Variants in ANKHD1 observed in about 807,000 individuals in gnomAD.
The protein encoded by ANKHD1 is ankyrin repeat and KH domain containing 1.
Under a neutral mutation model 230.5 loss-of-function variants are expected in ANKHD1, and 31 were observed. The ratio of observed to expected loss-of-function variants is 0.13; its 90% CI spans 0.10 to 0.18. The LOEUF (loss-of-function observed/expected upper bound fraction) is 0.18, where lower values mean the gene tolerates loss of function less well. Among genes scored for constraint, ANKHD1 ranks in the 10% least tolerant of loss-of-function variants. The pLI is 1.00. For missense variants in ANKHD1, 2,256 were observed against 3,071.3 expected, an observed-to-expected ratio of 0.73 and a Z score of 6.27; for synonymous variants, 1,074 against 1,117.6, an observed-to-expected ratio of 0.96 and a Z score of 0.78.
At chr5:140,409,841 C>T (rs577425631) in intron 1 of ANKHD1, among the ~76,000 whole-genome samples, 16 of 152,158 alleles carry the variant, frequency 1.1e-4, no homozygotes, top group African/African-American at 3.9e-4. Context: ...TGTGAGCCAC[C>T]GCGCCCAGCC....
At chr5:140,417,512 G>C (rs1324860868) in intron 1 of ANKHD1, among the ~76,000 whole-genome samples, 1 of 151,582 alleles carries the variant, frequency 6.6e-6, no homozygotes, top group Non-Finnish European at 1.5e-5. Context: ...GTAGTGGCAC[G>C]ATCTTGGCTT....
intron 9 of ANKHD1, among the ~76,000 whole-genome samples, chr5:140,463,479 G>C (rs1775864361): frequency 6.6e-6 from 1 of 152,084 alleles, no homozygotes; most frequent in South Asian, 2.1e-4. Context: ...ATCTAAGCTA[G>C]AGATGCTATT....
intron 10 of ANKHD1, among the ~76,000 whole-genome samples, chr5:140,466,665 G>A (rs1004599714): frequency 2.0e-5 from 3 of 152,116 alleles, no homozygotes; most frequent in Non-Finnish European, 2.9e-5. Flanking sequence ...GCCCAGATAG[G>A]CCAGGCGCAG....
Position 140,456,266 on chromosome 5 carries a change from G to A in ANKHD1, c.1243-2359G>A, listed in dbSNP as rs1478571937. Among the ~76,000 whole-genome samples, 17 of 152,176 alleles carry A rather than the reference G, an allele frequency of 1.1e-4. No homozygotes were observed. The East Asian group carries it at 1.2e-3, about 10-fold the overall frequency. On this transcript the variant is annotated intron_variant, in intron 7 of 33. Coordinates refer to ENST00000360839, the MANE Select transcript of ANKHD1 (RefSeq NM_017747.3). ...CTCATGGATAGGGAGATTCAATATC[G>A]TGAAAATGGCCATACTGCCCAAAGT...
In ANKHD1 at chr5:140,441,119, A is replaced by G. The variant is rs757022151; in HGVS notation, c.890A>G (p.Asp297Gly). ...IVKLLLLHDA[D>G]VNSQSATGNT... The stretch of plus-strand genomic sequence containing the variant: ...AAATTATTACTTCTTCATGATGCTG[A>G]TGTCAACTCCCAGTCTGCAACAGGT... Residue 297 changes from aspartate to glycine, a missense_variant, in exon 5 of 34, where the codon GAT (aspartate) becomes GGT (glycine). Transcript: ENST00000360839. 1.9e-6 allele frequency: 3 copies of G among 1,602,710 alleles called. No homozygotes were observed. Among genetic ancestry groups the G allele is most frequent in the Non-Finnish European group, 2.6e-6 (3 of 1,175,986 alleles).
chr5:140,513,596 G>A, intron 24 of ANKHD1, 117 bp downstream of exon 24: 2 of 964,640 alleles, frequency 2.1e-6, no homozygotes, highest in Non-Finnish European at 3.0e-6. Context: ...ATTACCTGAG[G>A]TCAGGAGTTC....
intron 14 of ANKHD1, among the ~76,000 whole-genome samples, chr5:140,492,567 A>G (rs1751855461): frequency 6.6e-6 from 1 of 152,208 alleles, no homozygotes; most frequent in South Asian, 2.1e-4. Context: ...TAAACACTCT[A>G]CTACATTTGA....
chr5:140,523,499 T>C lies in ANKHD1; in HGVS notation c.4318-567T>C, dbSNP rs1236526444. On this transcript the variant is annotated intron_variant, in intron 24 of 33. Transcript: ENST00000360839. ...AGATTTTTTTTTTATATATTATAGA[T>C]ACAAGTCCCTTACCAGTTGTATGAT... Among the ~76,000 whole-genome samples, 9 of 152,026 alleles carry C rather than the reference T, an allele frequency of 5.9e-5. No homozygotes were observed. The East Asian group carries it at 1.5e-3, about 26-fold the overall frequency.
At chr5:140,404,793 C>G (rs1358010418) in intron 1 of ANKHD1, among the ~76,000 whole-genome samples, 3 of 151,162 alleles carry the variant, frequency 2.0e-5, no homozygotes, top group Non-Finnish European at 4.4e-5. Flanking sequence ...CTCCTGGGCT[C>G]GGGTGGTCCT....
chr5:140,464,251 A>G (rs1311385927), intron 9 of ANKHD1, among the ~76,000 whole-genome samples: 5 of 151,662 alleles, frequency 3.3e-5, no homozygotes, highest in Non-Finnish European at 7.4e-5. Flanking sequence ...AAAAAAACTT[A>G]TATCTGTGTT....
In ANKHD1 at chr5:140,535,555, A is replaced by G. The variant is rs576800628; in HGVS notation, c.7027+17A>G. ...CAAACTCATGTAGGAATCCTGGAGG[A>G]ACTCTTCCCAAAGAGTTTTGAATAA... On this transcript the variant is annotated intron_variant, in intron 30 of 33. Coordinates refer to ENST00000360839, the MANE Select transcript of ANKHD1 (RefSeq NM_017747.3). 9.0e-5 allele frequency: 141 copies of G among 1,569,302 alleles called. 3 individuals carry two copies. The South Asian group carries it at 1.6e-3, about 18-fold the overall frequency.
chr5:140,478,009 G>A (rs1287697589), intron 10 of ANKHD1, among the ~76,000 whole-genome samples: 1 of 152,174 alleles, frequency 6.6e-6, no homozygotes, highest in East Asian at 1.9e-4. Flanking sequence ...CTTGGGTAGG[G>A]AGAATATACC....
chr5:140,405,783 C>T (rs542918176), intron 1 of ANKHD1, among the ~76,000 whole-genome samples: 16 of 152,208 alleles, frequency 1.1e-4, no homozygotes, highest in Admixed American at 5.2e-4. Context: ...CAGATATCCA[C>T]CACCACTCCC....
chr5:140,477,202 T>G (rs1294750966), intron 10 of ANKHD1, among the ~76,000 whole-genome samples: 1 of 152,144 alleles, frequency 6.6e-6, no homozygotes, highest in East Asian at 1.9e-4. Context: ...TGAATACTCC[T>G]CCAACTGAGA....
intron 15 of ANKHD1, among the ~76,000 whole-genome samples, chr5:140,499,893 G>C (rs1325868705): frequency 6.8e-6 from 1 of 146,954 alleles, no homozygotes; most frequent in African/African-American, 2.5e-5. Flanking sequence ...TTTTGAGATA[G>C]AGTCTCACTC....
intron 22 of ANKHD1, 114 bp downstream of exon 22, chr5:140,510,295 G>T: frequency 9.5e-6 from 10 of 1,048,410 alleles, no homozygotes; most frequent in East Asian, 3.2e-5. Context: ...AAAAATCACT[G>T]CTATCTTTCC....
chr5:140,535,438 A>G lies in ANKHD1; in HGVS notation c.6927A>G (p.Pro2309=). ...SAPLASFSGI[P]GTRVFLQGPA... is the part of the protein sequence containing the mutation. The stretch of plus-strand genomic sequence containing the variant: ...CTCTGGCAAGTTTTTCCGGCATACC[A>G]GGAACAAGGGTTTTCCTGCAAGGGC... Residue 2309 remains proline, a synonymous_variant, in exon 30 of 34, where the codon CCA becomes CCG. Transcript: ENST00000360839. The G allele has an allele frequency of 6.2e-7, 1 of 1,613,794 alleles. No individual in the cohort carries two copies. The highest frequency in any genetic ancestry group is 8.5e-7 in the Non-Finnish European group (1 of 1,179,854).
At chr5:140,428,307 C>T (rs11742149) in intron 1 of ANKHD1, among the ~76,000 whole-genome samples, 90,959 of 151,910 alleles carry the variant, frequency 0.6, 29,186 homozygotes, top group East Asian at 0.84. Context: ...GAGGTTGCAG[C>T]GAGCCGAGAT....
In ANKHD1 at chr5:140,414,353, AAC is replaced by A. The variant is rs1561682385; in HGVS notation, c.306+12082_306+12083del. Among the ~76,000 whole-genome samples, 15 of 152,304 alleles carry A rather than the reference AAC, an allele frequency of 9.8e-5. No individual in the cohort carries two copies. In the South Asian group the frequency reaches 3.1e-3, roughly 32 times the overall value. On this transcript the variant is annotated intron_variant, in intron 1 of 33. Coordinates refer to ENST00000360839, the MANE Select transcript of ANKHD1 (RefSeq NM_017747.3). The stretch of plus-strand genomic sequence containing the variant: ...GTTCTAATTTCTCCATATTCTAGCC[AAC>A]AGTTATTTATGTTTGTTTTTTGATA...
Sources: gnomAD v4.1 joint callset for allele counts (sites outside exome capture counted in the v4.1 genomes callset) on GRCh38, gnomAD v4.1.1 for gene constraint, MANE v1.5 for transcripts, NCBI Gene and HGNC (gene_info 2026-07-23, HGNC 2026-07-21) for gene names.